The following GPI variants were observed in gnomAD, a reference collection of about 807,000 sequenced individuals.
The protein encoded by GPI is glucose-6-phosphate isomerase, also known as D-hexose-6-phosphate anomerase.
Under a neutral mutation model 75.8 loss-of-function variants are expected in GPI, and 56 were observed. The ratio of observed to expected loss-of-function variants is 0.74; its 90% CI spans 0.60 to 0.92. The LOEUF is 0.92. Among genes scored for constraint, GPI ranks in the 40% least tolerant of loss-of-function variants. GPI has a pLI of 0.00. For synonymous variants in GPI, 288 were observed against 285.4 expected (o/e 1.01, Z -0.09); for missense variants, 638 against 741.0 (o/e 0.86, Z 1.61).
chr19:34,371,296 A>G (rs1198042638), intron 4 of GPI, among the ~76,000 whole-genome samples: 1 of 152,232 alleles, frequency 6.6e-6, no homozygotes, highest in Non-Finnish European at 1.5e-5. Flanking sequence ...AGATTGGGTG[A>G]AGACGTTCAC....
Position 34,377,786 on chromosome 19 carries a change from C to G in GPI, c.538C>G (p.Arg180Gly). ...ALKPYSSGGPRVWYVSNIDGT... is the reference protein window; with the variant it reads ...ALKPYSSGGPGVWYVSNIDGT... Reference sequence around the variant, plus strand: ...TAAGCCATACTCTTCAGGAGGTCCCCGCGTCTGGTATGTCTCCAACATTGA... The same window carrying G: ...TAAGCCATACTCTTCAGGAGGTCCCGGCGTCTGGTATGTCTCCAACATTGA... Residue 180 changes from arginine to glycine, a missense_variant, in exon 6 of 18, where the codon CGC becomes GGC. By Grantham distance (125) the Arg-to-Gly change is moderately radical. Coordinates refer to ENST00000356487, the MANE Select transcript of GPI (RefSeq NM_000175.5). 6.2e-7 allele frequency: 1 copy of G among 1,613,910 alleles called. No homozygotes were observed. Among genetic ancestry groups the G allele is most frequent in the Non-Finnish European group, 8.5e-7 (1 of 1,179,838 alleles).
Position 34,394,028 on chromosome 19 carries a change from G to A in GPI, c.1024G>A (p.Asp342Asn). Residue 342 changes from aspartate to asparagine, a missense_variant, in exon 12 of 18, where the codon GAC (aspartate) becomes AAC (asparagine). Asp to Asn is a conservative substitution (Grantham distance 23). Transcript: ENST00000356487. ...TGAGACACACGCCATGCTGCCCTAT[G>A]ACCAGTACCTGCACCGCTTTGCTGC... ...GCETHAMLPY[D>N]QYLHRFAAYF... 1 of 1,613,102 alleles carries A rather than the reference G, an allele frequency of 6.2e-7. No homozygotes were observed.
chr19:34,373,361 C>T (rs1269639583), intron 4 of GPI, among the ~76,000 whole-genome samples: 1 of 151,116 alleles, frequency 6.6e-6, no homozygotes, highest in African/African-American at 2.4e-5. Context: ...TGCACTCCAG[C>T]CTGGGTGACA....
rs1599801465 is a variant in GPI at position 34,366,524 on chromosome 19, T to G, written c.213+89T>G. On this transcript the variant is annotated intron_variant, in intron 2 of 17. Transcript: ENST00000356487. ...GGGAGTCCCCAGGACCTTGAGTATC[T>G]TGAGTTCTTCCTCTCATTAGACCTC... 8.9e-6 allele frequency: 8 copies of G among 893,922 alleles called. No individual in the cohort carries two copies. The East Asian group carries it at 1.9e-4, about 21-fold the overall frequency. The allele number at this position is 893,922 out of a possible 1,614,324, so 55.4% of individuals were successfully genotyped here. A position where few individuals can be genotyped will look rare whatever the true frequency, so the allele number is the denominator to read the frequency against.
rs746921353 is a variant in GPI, at chr19:34,366,828, G to T, written c.259G>T (p.Gly87Cys). 5.2e-5 allele frequency: 84 copies of T among 1,613,550 alleles called. No individual in the cohort carries two copies. Among genetic ancestry groups the T allele is most frequent in the Non-Finnish European group, 7.0e-5 (82 of 1,179,660 alleles). Residue 87 changes from glycine to cysteine, a missense_variant, in exon 3 of 18, where the codon GGT becomes TGT. Physicochemically the swap from Gly to Cys is radical, Grantham distance 159. Transcript: ENST00000356487. ...GGCCGCCCGGGAGCGGATGTTCAAT[G>T]GTGAGAAGATCAACTACACCGAGGT... ...VEAARERMFN[G>C]EKINYTEGRA...
chr19:34,371,054 A>G (rs1188234431), intron 4 of GPI, among the ~76,000 whole-genome samples: 1 of 152,250 alleles, frequency 6.6e-6, no homozygotes, highest in Non-Finnish European at 1.5e-5. Flanking sequence ...GCTGAAGTGC[A>G]TTAAAAGCCT....
In GPI at chr19:34,393,467, C is replaced by G. The variant is rs2074896267; in HGVS notation, c.865+159C>G. ...TTTATTTCATGTCCAGAAGGAAGGT[C>G]TGGGTTTTTTTGCGTGTGCAAGTTG... On this transcript the variant is annotated intron_variant, in intron 10 of 17. Transcript: ENST00000356487. The surrounding 1 kb of genome is among the most constrained non-coding windows in gnomAD (Gnocchi z 4.4). 1.3e-6 allele frequency: 1 copy of G among 781,410 alleles called. No homozygotes were observed. Among genetic ancestry groups the G allele is most frequent in the South Asian group, 1.4e-5 (1 of 69,814 alleles). 48.4% of individuals were successfully genotyped at this position (781,410 alleles called of 1,614,324 possible).
chr19:34,365,902 G>A (rs1007782238), intron 1 of GPI: 7 of 475,880 alleles, frequency 1.5e-5, no homozygotes, highest in Middle Eastern at 3.1e-4. Context: ...GAAGTGGGAA[G>A]GAGTGTTTGA....
At chr19:34,379,087 C>A in intron 7 of GPI, 82 bp downstream of exon 7, 1 of 1,177,860 alleles carries the variant, frequency 8.5e-7, no homozygotes, top group Non-Finnish European at 1.3e-6. Flanking sequence ...CCAAGTCTGG[C>A]CGTGTTTCTC....
At chr19:34,362,477 C>T (rs1384463453), upstream of GPI, among the ~76,000 whole-genome samples, 1 of 152,058 alleles carries the variant, frequency 6.6e-6, no homozygotes, top group African/African-American at 2.4e-5. Context: ...GAGGCCTCAC[C>T]TCCTGCCTCT....
At chr19:34,399,008 G>A in intron 14 of GPI, 199 bp from the exon 15 acceptor site, 1 of 509,072 alleles carries the variant, frequency 2.0e-6, no homozygotes, top group Non-Finnish European at 3.6e-6. Flanking sequence ...CCTGGCCACT[G>A]GTGTGTAGTT....
intron 12 of GPI, 129 bp downstream of exon 12, chr19:34,394,195 C>T (rs957236656): frequency 3.0e-6 from 2 of 672,692 alleles, no homozygotes; most frequent in African/African-American, 3.6e-5. Context: ...CAAGGTCCAT[C>T]TGTGCTCCTT....
intron 4 of GPI, among the ~76,000 whole-genome samples, chr19:34,372,487 T>A (rs2145340272): frequency 6.6e-6 from 1 of 152,080 alleles, no homozygotes; most frequent in South Asian, 2.1e-4. Context: ...AACAAAAATT[T>A]AAAAATTAGC....
At chr19:34,365,181 G>A (rs1441941757), upstream of GPI, 8 of 1,292,372 alleles carry the variant, frequency 6.2e-6, no homozygotes, top group Admixed American at 7.2e-5. Flanking sequence ...AGGCCGCCGC[G>A]CGCCCACGCG....
At chr19:34,364,958 G>A (rs1408233782), upstream of GPI, 1 of 1,527,006 alleles carries the variant, frequency 6.5e-7, no homozygotes, top group East Asian at 2.5e-5. Context: ...TGATCCCCGG[G>A]CTCTGCCCAC....
In GPI at chr19:34,368,583, G is replaced by A. The variant is rs975553556; in HGVS notation, c.283G>A (p.Gly95Ser). ...TTTATATCCTGACCGTAATCCCCAG[G>A]GTCGAGCCGTGCTGCACGTGGCTCT... ...FNGEKINYTE[G>S]RAVLHVALRN... The change falls in exon 4 of 18, where the codon GGT (glycine) becomes AGT (serine). Residue 95 changes from glycine to serine, a missense_variant and splice_region_variant. Coordinates refer to ENST00000356487, the MANE Select transcript of GPI (RefSeq NM_000175.5). 3.7e-6 allele frequency: 6 copies of A among 1,614,142 alleles called. No individual in the cohort carries two copies. Among genetic ancestry groups the A allele is most frequent in the Non-Finnish European group, 5.1e-6 (6 of 1,180,012 alleles).
In GPI at chr19:34,396,329, T is replaced by TCACCCGTGTGGAC; in HGVS notation, c.1095_1096insCGTGTGGACCACC (p.Lys366ArgfsTer44). ...GACATGGAGTCCAATGGGAAATACA[T>TCACCCGTGTGGAC]CACCAAATCTGGAACCCGTGTGGAC... On this transcript the variant is annotated frameshift_variant, in exon 13 of 18. Coordinates refer to ENST00000356487, the MANE Select transcript of GPI (RefSeq NM_000175.5). LOFTEE classifies it high-confidence loss of function. 1 of 1,614,198 alleles carries TCACCCGTGTGGAC rather than the reference T, an allele frequency of 6.2e-7. No individual in the cohort carries two copies. Among genetic ancestry groups the TCACCCGTGTGGAC allele is most frequent in the Non-Finnish European group, 8.5e-7 (1 of 1,180,020 alleles).
chr19:34,364,195 T>C (rs1237171628), upstream of GPI, among the ~76,000 whole-genome samples: 1 of 151,720 alleles, frequency 6.6e-6, no homozygotes, highest in East Asian at 1.9e-4. Context: ...GCCCCGCTAA[T>C]TTATTTTTAG....
At chr19:34,381,311 G>T in intron 8 of GPI, 155 bp from the exon 9 acceptor site, 1 of 720,326 alleles carries the variant, frequency 1.4e-6, no homozygotes, top group East Asian at 2.6e-5. Flanking sequence ...CCCTGCCCTC[G>T]ACTCACAGGC....
Sources: allele counts gnomAD v4.1 joint callset (sites outside exome capture counted in the v4.1 genomes callset), GRCh38; gene constraint gnomAD v4.1.1; non-coding constraint Gnocchi (gnomAD v3.1); transcripts MANE v1.5; gene names NCBI Gene and HGNC (gene_info 2026-07-23, HGNC 2026-07-21).